KCNK2: variants seen among roughly 807,000 people sequenced by gnomAD.
KCNK2 encodes potassium two pore domain channel subfamily K member 2.
A neutral mutation model predicts 40.5 loss-of-function variants in KCNK2; 21 were observed. The ratio of observed to expected loss-of-function variants is 0.52; its 90% CI spans 0.37 to 0.75. The LOEUF (loss-of-function observed/expected upper bound fraction) is 0.75, where lower values mean the gene tolerates loss of function less well. Ranked by LOEUF, KCNK2 falls within the 30% of genes least tolerant of loss-of-function variation. The pLI, the probability that KCNK2 is intolerant of heterozygous loss-of-function variation, is 0.00. For synonymous variants in KCNK2, 191 were observed against 202.2 expected (o/e 0.94, Z 0.47); for missense variants, 399 against 531.6 (o/e 0.75, Z 2.45).
chr1:215,132,014 ACAAAACAAAAAAACAC>A (rs1661700826), intron 3 of KCNK2, among the ~76,000 whole-genome samples: 1 of 152,206 alleles, frequency 6.6e-6, no homozygotes, highest in African/African-American at 2.4e-5. Flanking sequence ...CGAAAACAAA[ACAAAACAAAAAAACAC>A]CAGGAAGAAA....
At chr1:215,118,977 A>G (rs1225347752) in intron 2 of KCNK2, among the ~76,000 whole-genome samples, 1 of 152,160 alleles carries the variant, frequency 6.6e-6, no homozygotes, top group African/African-American at 2.4e-5. Context: ...GTTTTGATGA[A>G]CATAAACATC....
chr1:215,196,743 G>C (rs1664883534), intron 6 of KCNK2, among the ~76,000 whole-genome samples: 1 of 151,864 alleles, frequency 6.6e-6, no homozygotes, highest in African/African-American at 2.4e-5. Flanking sequence ...TATAATGGAT[G>C]GTTATTCTTC....
At chr1:215,224,735 C>T (rs80020580) in intron 6 of KCNK2, among the ~76,000 whole-genome samples, 2,806 of 152,120 alleles carry the variant, frequency 0.018, 77 homozygotes, top group African/African-American at 0.06. Flanking sequence ...TTATCACACT[C>T]GTGTGTGTAG....
At chr1:215,108,406 T>C (rs1046743025) in intron 2 of KCNK2, among the ~76,000 whole-genome samples, 6 of 152,330 alleles carry the variant, frequency 3.9e-5, no homozygotes, top group African/African-American at 1.4e-4. Context: ...CAATCCCTCA[T>C]AGATACTGAG....
chr1:215,016,099 A>G (rs1243861911), intron 1 of KCNK2, among the ~76,000 whole-genome samples: 4 of 152,208 alleles, frequency 2.6e-5, no homozygotes, highest in Non-Finnish European at 5.9e-5. Flanking sequence ...CTGAAAGTCA[A>G]TAAAAATGAC....
intron 1 of KCNK2, among the ~76,000 whole-genome samples, chr1:215,010,868 T>TGTGTG (rs1347136770): frequency 7.4e-6 from 1 of 135,762 alleles, no homozygotes; most frequent in African/African-American, 2.6e-5. Context: ...TTTTTTTTTT[T>TGTGTG]TGTGTGTGTG....
intron 1 of KCNK2, among the ~76,000 whole-genome samples, chr1:215,049,501 G>C (rs531967328): frequency 2.0e-5 from 3 of 152,124 alleles, no homozygotes; most frequent in South Asian, 2.1e-4. Flanking sequence ...ATTTTGATGA[G>C]GTCCGATTTA....
chr1:215,022,569 A>G (rs1465482039), intron 1 of KCNK2, among the ~76,000 whole-genome samples: 2 of 152,150 alleles, frequency 1.3e-5, no homozygotes. Context: ...TTCAAATGCT[A>G]TCATGCCAAG....
At chr1:215,229,454 AC>A (rs1666528137) in intron 6 of KCNK2, among the ~76,000 whole-genome samples, 1 of 152,028 alleles carries the variant, frequency 6.6e-6, no homozygotes, top group Non-Finnish European at 1.5e-5. Context: ...ATTTGAGCTC[AC>A]AAGATTGAGA....
intron 6 of KCNK2, among the ~76,000 whole-genome samples, chr1:215,204,596 A>T (rs994366219): frequency 6.6e-6 from 1 of 152,140 alleles, no homozygotes; most frequent in Non-Finnish European, 1.5e-5. Context: ...TTAGCTTTCA[A>T]AATTGTTTTT....
At chr1:215,124,799 T>C in intron 3 of KCNK2, 49 bp downstream of exon 3, 1 of 1,094,820 alleles carries the variant, frequency 9.1e-7, no homozygotes, top group Non-Finnish European at 1.4e-6. Context: ...GTTTGTGAGC[T>C]AAAATCCATT....
intron 5 of KCNK2, among the ~76,000 whole-genome samples, chr1:215,187,958 G>A (rs547228222): frequency 6.6e-6 from 1 of 151,788 alleles, no homozygotes; most frequent in Non-Finnish European, 1.5e-5. Flanking sequence ...AACCAGAGAA[G>A]AATTTATAGT....
At chr1:215,010,307 T>C (rs1656332109) in intron 1 of KCNK2, among the ~76,000 whole-genome samples, 2 of 152,228 alleles carry the variant, frequency 1.3e-5, no homozygotes, top group Non-Finnish European at 1.5e-5. Context: ...TTTAGTTCAG[T>C]TTTTAATTTT....
rs1659454094 is a variant in KCNK2 at position 215,086,596 on chromosome 1, G to T, written c.275G>T (p.Arg92Met). 6.2e-7 allele frequency: 1 copy of T among 1,614,030 alleles called. No homozygotes were observed. Among genetic ancestry groups the T allele is most frequent in the Non-Finnish European group, 8.5e-7 (1 of 1,180,018 alleles). ...ALEQPHEISQRTTIVIQKQTF... is the reference protein window; with the variant it reads ...ALEQPHEISQMTTIVIQKQTF... The stretch of plus-strand genomic sequence containing the variant: ...GAGCAGCCTCATGAGATTTCACAGA[G>T]GACCACCATTGTGATCCAGAAGCAA... The change falls in exon 2 of 7, where the codon AGG becomes ATG. Residue 92 changes from arginine to methionine, a missense_variant. Around this residue, in one of 3 missense-constraint regions of KCNK2, gnomAD observed 279 missense variants for 353.8 expected, o/e 0.79. Coordinates refer to ENST00000444842, the MANE Select transcript of KCNK2 (RefSeq NM_001017425.3).
At chr1:215,199,167 G>A (rs149785194) in intron 6 of KCNK2, among the ~76,000 whole-genome samples, 3,582 of 151,966 alleles carry the variant, frequency 0.024, 122 homozygotes, top group African/African-American at 0.08. Flanking sequence ...AATTAGCTGG[G>A]TATGGGGGTG....
rs1169501714 is a variant in KCNK2, at chr1:215,039,012, G to A, written c.34+33057G>A. On this transcript the variant is annotated intron_variant, in intron 1 of 6. Transcript: ENST00000391895. ...AAAAAAAGAATGAAGATTTCAGTTCGGGTAGAATTTAGGTTGGACTGACAA... is the reference window on the plus strand; with the variant it reads ...AAAAAAAGAATGAAGATTTCAGTTCAGGTAGAATTTAGGTTGGACTGACAA... Among the ~76,000 whole-genome samples the A allele has an allele frequency of 3.3e-5, 5 of 151,972 alleles. No individual in the cohort carries two copies. In the East Asian group the frequency reaches 5.8e-4, roughly 18 times the overall value.
chr1:215,183,654 T>C (rs1478197570), intron 5 of KCNK2, among the ~76,000 whole-genome samples: 1 of 152,196 alleles, frequency 6.6e-6, no homozygotes, highest in African/African-American at 2.4e-5. Context: ...TTATGGATCA[T>C]TTTTACCAGC....
intron 2 of KCNK2, among the ~76,000 whole-genome samples, chr1:215,104,308 C>G (rs143253418): frequency 6.6e-6 from 1 of 152,024 alleles, no homozygotes; most frequent in Non-Finnish European, 1.5e-5. Flanking sequence ...AACTCTCCTC[C>G]TCCTAATGTC....
intron 5 of KCNK2, among the ~76,000 whole-genome samples, chr1:215,174,104 G>A (rs1434853425): frequency 6.6e-6 from 1 of 152,098 alleles, no homozygotes; most frequent in East Asian, 1.9e-4. Context: ...ACAGTTTTAG[G>A]TCTAACATTT....
Sources: allele counts gnomAD v4.1 joint callset (sites outside exome capture counted in the v4.1 genomes callset), GRCh38; gene constraint gnomAD v4.1.1; regional missense constraint gnomAD v4.1.1; transcripts MANE v1.5; gene names NCBI Gene and HGNC (gene_info 2026-07-23, HGNC 2026-07-21).